Variants in AFF3 observed in about 807,000 individuals in gnomAD.
AFF3 encodes the protein AF4/FMR2 family member 3.
A neutral mutation model predicts 129.7 loss-of-function variants in AFF3; 32 were observed. The ratio of observed to expected loss-of-function variants is 0.25; its 90% CI spans 0.19 to 0.33. The LOEUF is 0.33. Ranked by LOEUF, AFF3 falls within the 10% of genes least tolerant of loss-of-function variation. AFF3 has a pLI of 1.00. For missense variants in AFF3, 1,373 were observed against 1,592.0 expected, an observed-to-expected ratio of 0.86 and a Z score of 2.34; for synonymous variants, 644 against 635.4, an observed-to-expected ratio of 1.01 and a Z score of -0.20.
At chr2:99,837,934 T>C (rs972265834) in intron 7 of AFF3, among the ~76,000 whole-genome samples, 1 of 152,202 alleles carries the variant, frequency 6.6e-6, no homozygotes. Flanking sequence ...GCCTACCAAG[T>C]ACCACAATGG....
intron 7 of AFF3, among the ~76,000 whole-genome samples, chr2:99,934,876 GC>G (rs558399865): frequency 1.3e-3 from 205 of 152,316 alleles, no homozygotes; most frequent in African/African-American, 4.6e-3. Context: ...AGCAGGGTCT[GC>G]CCTCAGGAGA....
At chr2:99,858,230 A>C (rs1287129386) in intron 7 of AFF3, among the ~76,000 whole-genome samples, 2 of 152,092 alleles carry the variant, frequency 1.3e-5, no homozygotes, top group Non-Finnish European at 2.9e-5. Flanking sequence ...GCAGGCCCAC[A>C]ACGGAAGCAA....
chr2:99,546,377 C>A lies in AFF3; in HGVS notation c.*5097G>T, dbSNP rs1674073985. 4.3e-6 allele frequency: 1 copy of A among 232,922 alleles called. No homozygotes were observed. The highest frequency in any genetic ancestry group is 5.6e-5 in the Admixed American group (1 of 17,770). The allele number at this position is 232,922 out of a possible 1,614,324, so 14.4% of individuals were successfully genotyped here. A position where few individuals can be genotyped will look rare whatever the true frequency, so the allele number is the denominator to read the frequency against. ...TTCTCCATGGTGACCCTGAGTCAGG[C>A]TTCTTCTGCACCCCTCTGCCTGGTT... is the stretch of plus-strand genomic sequence containing the variant. On this transcript the variant is annotated 3_prime_UTR_variant, in exon 25 of 25. Transcript: ENST00000672756.
At chr2:99,653,448 A>G (rs1478298888) in intron 12 of AFF3, among the ~76,000 whole-genome samples, 1 of 152,234 alleles carries the variant, frequency 6.6e-6, no homozygotes, top group East Asian at 1.9e-4. Flanking sequence ...ACCTCCAAAC[A>G]ATTCCTGCTG....
chr2:99,750,482 A>T (rs1681553115), intron 9 of AFF3, among the ~76,000 whole-genome samples: 2 of 143,652 alleles, frequency 1.4e-5, no homozygotes, highest in South Asian at 2.2e-4. Context: ...TGGCGTGATC[A>T]TAGCTCACTG....
intron 7 of AFF3, among the ~76,000 whole-genome samples, chr2:99,844,201 G>A (rs188006911): frequency 6.6e-6 from 1 of 152,148 alleles, no homozygotes; most frequent in East Asian, 1.9e-4. Context: ...ACGAAGAGGA[G>A]CAAACCACAA....
At chr2:99,779,955 G>T (rs1684255832) in intron 8 of AFF3, among the ~76,000 whole-genome samples, 1 of 152,206 alleles carries the variant, frequency 6.6e-6, no homozygotes, top group Non-Finnish European at 1.5e-5. Context: ...ATACTGAAAA[G>T]ATAGCCGCAC....
chr2:99,934,904 C>A (rs1213572491), intron 7 of AFF3, among the ~76,000 whole-genome samples: 2 of 152,246 alleles, frequency 1.3e-5, no homozygotes, highest in African/African-American at 4.8e-5. Flanking sequence ...GGCTGCTAAG[C>A]ATCACCTGAG....
At chr2:99,998,663 C>G (rs1681088248) in intron 7 of AFF3, among the ~76,000 whole-genome samples, 1 of 152,182 alleles carries the variant, frequency 6.6e-6, no homozygotes, top group South Asian at 2.1e-4. Context: ...GATGCTATTC[C>G]TGAAGGTTAT....
chr2:100,026,232 G>C (rs1298951885), intron 4 of AFF3, among the ~76,000 whole-genome samples: 1 of 152,092 alleles, frequency 6.6e-6, no homozygotes, highest in Non-Finnish European at 1.5e-5. Context: ...AAAAAAGTGG[G>C]CTAAGGACAT....
At chr2:100,079,963 A>T (rs865913801) in intron 4 of AFF3, among the ~76,000 whole-genome samples, 4 of 152,192 alleles carry the variant, frequency 2.6e-5, no homozygotes, top group African/African-American at 9.7e-5. Flanking sequence ...CTCACTATGT[A>T]TTTCACTGTG....
intron 7 of AFF3, among the ~76,000 whole-genome samples, chr2:99,843,373 C>A (rs2105825226): frequency 6.6e-6 from 1 of 152,354 alleles, no homozygotes; most frequent in East Asian, 1.9e-4. Flanking sequence ...CCAGCTGCCT[C>A]TGAGCCTCCT....
intron 4 of AFF3, among the ~76,000 whole-genome samples, chr2:100,023,485 T>C (rs1683765880): frequency 6.6e-6 from 1 of 152,162 alleles, no homozygotes; most frequent in Non-Finnish European, 1.5e-5. Context: ...TGAAGATGTC[T>C]TCAACAAGAA....
chr2:99,727,104 C>G lies in AFF3; in HGVS notation c.1064G>C (p.Ser355Thr). The G allele has an allele frequency of 6.2e-7, 1 of 1,610,526 alleles. No homozygotes were observed. The change falls in exon 11 of 25, where the codon AGT becomes ACT. Residue 355 changes from serine to threonine, a missense_variant. By Grantham distance (58) the Ser-to-Thr change is moderately conservative. Around this residue, in one of 9 missense-constraint regions of AFF3, gnomAD observed 413 missense variants for 424.4 expected, o/e 0.97. Coordinates refer to ENST00000672756, the MANE Select transcript of AFF3 (RefSeq NM_001386135.1). ...TGTATTCGATGTGCCATTGTCTGGA[C>G]TCTCTGGCTCTGCATCACCTTTCTC... is the stretch of plus-strand genomic sequence containing the variant. The part of the protein sequence containing the change: ...NPKKGDAEPE[S>T]PDNGTSNTSM...
At chr2:99,805,778 T>C (rs1323166646) in intron 8 of AFF3, among the ~76,000 whole-genome samples, 1 of 150,564 alleles carries the variant, frequency 6.6e-6, no homozygotes, top group Non-Finnish European at 1.5e-5. Flanking sequence ...GGAGGGCAAA[T>C]GCTTAGCGCA....
intron 7 of AFF3, among the ~76,000 whole-genome samples, chr2:99,954,478 C>T (rs922634276): frequency 5.3e-5 from 8 of 151,904 alleles, no homozygotes; most frequent in South Asian, 4.2e-4. Flanking sequence ...ATGTTTACTG[C>T]GGCACTATTC....
At chr2:99,568,983 C>G (rs1183969333) in intron 18 of AFF3, 68 bp from the exon 19 acceptor site, 1 of 1,439,496 alleles carries the variant, frequency 6.9e-7, no homozygotes, top group Non-Finnish European at 9.8e-7. Context: ...AATATTCCTT[C>G]CTTTCACTCA....
intron 8 of AFF3, among the ~76,000 whole-genome samples, chr2:99,764,857 G>A (rs1028403627): frequency 7.9e-5 from 12 of 151,898 alleles, no homozygotes; most frequent in Admixed American, 4.6e-4. Flanking sequence ...TTCAAATCTC[G>A]TGCTCATGAT....
chr2:99,879,806 C>G (rs988210700), intron 7 of AFF3, among the ~76,000 whole-genome samples: 1 of 152,138 alleles, frequency 6.6e-6, no homozygotes, highest in Non-Finnish European at 1.5e-5. Flanking sequence ...TATTTTATGT[C>G]CTTTTTGATT....
Sources: gnomAD v4.1 joint callset for allele counts (sites outside exome capture counted in the v4.1 genomes callset) on GRCh38, gnomAD v4.1.1 for gene constraint, gnomAD v4.1.1 regional missense constraint, MANE v1.5 for transcripts, NCBI Gene and HGNC (gene_info 2026-07-23, HGNC 2026-07-21) for gene names.